FBXO46: variants seen among roughly 807,000 people sequenced by gnomAD.
The protein encoded by FBXO46 is F-box protein 46, also known as F-box only protein 46.
FBXO46 carries 13 observed loss-of-function variants against 30.7 expected under a neutral mutation model. The observed-to-expected ratio is 0.42, with a 90% CI of 0.28 to 0.67. The LOEUF is 0.67. Among genes scored for constraint, FBXO46 ranks in the 30% least tolerant of loss-of-function variants. FBXO46 has a pLI of 0.21. For missense variants in FBXO46, 754 were observed against 871.5 expected (o/e 0.87, Z 1.70); for synonymous variants, 467 against 385.8 (o/e 1.21, Z -2.47).
intron 1 of FBXO46, among the ~76,000 whole-genome samples, chr19:45,720,143 A>G (rs1439118126): frequency 3.3e-5 from 5 of 151,336 alleles, no homozygotes; most frequent in Non-Finnish European, 1.5e-5. Context: ...TTTTTTTTTA[A>G]GACGGAGTCT....
At position 45,712,561 on chromosome 19, in the gene FBXO46, A is replaced by G; in HGVS notation, c.935T>C (p.Ile312Thr). ...DKITCDLYQL[I>T]SPSRDALPSN... ...GGGGAGGGCATCCCGCGAGGGGCTG[A>G]TGAGCTGGTATAAGTCACATGTGAT... The change falls in exon 2 of 2, where the codon ATC becomes ACC. Residue 312 changes from isoleucine (I) to threonine (T), a missense_variant. Physicochemically the swap from Ile to Thr is moderately conservative, Grantham distance 89. Transcript: ENST00000317683. This position sits in a 1 kb window ranked among gnomAD's most constrained non-coding sequence, Gnocchi z 8.8. The G allele has an allele frequency of 1.9e-6, 3 of 1,594,678 alleles. No homozygotes were observed. The highest frequency in any genetic ancestry group is 2.6e-6 in the Non-Finnish European group (3 of 1,169,512).
In FBXO46 at chr19:45,712,575, G is replaced by A; in HGVS notation, c.921C>T (p.Asp307=). The change falls in exon 2 of 2, where the codon GAC becomes GAT. Residue 307 remains aspartate, a synonymous_variant. Transcript: ENST00000317683. The surrounding 1 kb of genome is among the most constrained non-coding windows in gnomAD (Gnocchi z 8.8). ...GARAKDKITC[D]LYQLISPSRD... ...GCGAGGGGCTGATGAGCTGGTATAA[G>A]TCACATGTGATCTTGTCCTTGGCTC... The A allele has an allele frequency of 6.3e-7, 1 of 1,593,982 alleles. No homozygotes were observed. Among genetic ancestry groups the A allele is most frequent in the South Asian group, 1.1e-5 (1 of 88,408 alleles).
At chr19:45,720,190 C>T (rs1968150595) in intron 1 of FBXO46, among the ~76,000 whole-genome samples, 1 of 151,910 alleles carries the variant, frequency 6.6e-6, no homozygotes, top group Non-Finnish European at 1.5e-5. Flanking sequence ...ACGGTGCGAT[C>T]TCGGCTCACT....
In FBXO46 at chr19:45,712,428, G is replaced by C; in HGVS notation, c.1068C>G (p.Ala356=). The stretch of plus-strand genomic sequence containing the variant: ...GGAAGCCTGACGCTCCGCAGTCCCG[G>C]GCAGGGGGCGGAGGGGGCGCCGGGG... The part of the protein sequence containing the change: ...DTPPAPPPPP[A]RDCGASGFHV... The change falls in exon 2 of 2, where the codon GCC becomes GCG. Residue 356 remains alanine, a synonymous_variant. Transcript: ENST00000317683. The surrounding 1 kb of genome is among the most constrained non-coding windows in gnomAD (Gnocchi z 8.8). The C allele has an allele frequency of 6.2e-7, 1 of 1,610,634 alleles. No individual in the cohort carries two copies. The highest frequency in any genetic ancestry group is 8.5e-7 in the Non-Finnish European group (1 of 1,179,662).
intron 1 of FBXO46, among the ~76,000 whole-genome samples, chr19:45,727,829 A>G (rs1968259271): frequency 1.3e-5 from 2 of 152,196 alleles, no homozygotes; most frequent in Admixed American, 1.3e-4. Context: ...AACAACAACA[A>G]CAACAAGAAA....
chr19:45,722,630 C>T (rs1458343363), intron 1 of FBXO46, among the ~76,000 whole-genome samples: 1 of 152,076 alleles, frequency 6.6e-6, no homozygotes, highest in Non-Finnish European at 1.5e-5. Flanking sequence ...GGTGTGGTGG[C>T]GGGCGCCTGT....
chr19:45,715,576 G>A, intron 1 of FBXO46: 1 of 152,270 alleles, frequency 6.6e-6, no homozygotes, highest in Non-Finnish European at 1.5e-5. Context: ...GGAGGCCGAG[G>A]CAGGCGGATC....
intron 1 of FBXO46, among the ~76,000 whole-genome samples, chr19:45,730,403 A>G (rs1417714103): frequency 1.3e-5 from 2 of 151,246 alleles, no homozygotes; most frequent in Non-Finnish European, 3.0e-5. Flanking sequence ...TACCTCCTCA[A>G]CTTGCCTTCC....
chr19:45,711,416 G>C lies in FBXO46; in HGVS notation c.*268C>G, dbSNP rs1162239490. On this transcript the variant is annotated 3_prime_UTR_variant, in exon 2 of 2. Coordinates refer to ENST00000317683, the MANE Select transcript of FBXO46 (RefSeq NM_001080469.2). ...GCATGGCAGGGAGGGGGTTGGGGCT[G>C]AATGGAGAAGAAAGTGAGATGCTGA... is the stretch of plus-strand genomic sequence containing the variant. The C allele has an allele frequency of 1.6e-6, 1 of 631,810 alleles. No individual in the cohort carries two copies. The highest frequency in any genetic ancestry group is 2.9e-6 in the Non-Finnish European group (1 of 341,896). The allele number at this position is 631,810 out of a possible 1,614,324, so 39.1% of individuals were successfully genotyped here. A position where few individuals can be genotyped will look rare whatever the true frequency, so the allele number is the denominator to read the frequency against.
In FBXO46 at chr19:45,713,127, G is replaced by C; in HGVS notation, c.369C>G (p.His123Gln). ...SRASSMKVKG[H>Q]WGSDSSKAKR... ...TGGCCTTGGAGCTATCGCTGCCCCA[G>C]TGCCCCTTGACCTTCATGGAGCTGG... Residue 123 changes from histidine (H) to glutamine (Q), a missense_variant, in exon 2 of 2, where the codon CAC becomes CAG. Coordinates refer to ENST00000317683, the MANE Select transcript of FBXO46 (RefSeq NM_001080469.2). This position sits in a 1 kb window ranked among gnomAD's most constrained non-coding sequence, Gnocchi z 4.7. The C allele has an allele frequency of 1.9e-6, 3 of 1,612,938 alleles. No individual in the cohort carries two copies. Among genetic ancestry groups the C allele is most frequent in the Non-Finnish European group, 2.5e-6 (3 of 1,179,526 alleles).
chr19:45,726,109 A>C (rs1968236394), intron 1 of FBXO46, among the ~76,000 whole-genome samples: 1 of 152,192 alleles, frequency 6.6e-6, no homozygotes, highest in African/African-American at 2.4e-5. Flanking sequence ...TGGAAGGCCA[A>C]GACGGGCGGA....
chr19:45,713,628 A>G lies in FBXO46; in HGVS notation c.-78-55T>C, dbSNP rs1426432886. 4 of 697,694 alleles carry G rather than the reference A, an allele frequency of 5.7e-6. No homozygotes were observed. Among genetic ancestry groups the G allele is most frequent in the South Asian group, 2.0e-5 (1 of 49,762 alleles). 43.2% of individuals were successfully genotyped at this position (697,694 alleles called of 1,614,324 possible). On this transcript the variant is annotated intron_variant, in intron 1 of 1. Coordinates refer to ENST00000317683, the MANE Select transcript of FBXO46 (RefSeq NM_001080469.2). The surrounding 1 kb of genome is among the most constrained non-coding windows in gnomAD (Gnocchi z 4.7). ...TAGGGGGACAGCCTTTCTTCCCAGGACCACCCCAACCTCCACCTCTCCTTA... is the reference window on the plus strand; with the variant it reads ...TAGGGGGACAGCCTTTCTTCCCAGGGCCACCCCAACCTCCACCTCTCCTTA...
Position 45,713,334 on chromosome 19 carries a change from C to A in FBXO46, c.162G>T (p.Glu54Asp). Residue 54 changes from glutamate (E) to aspartate (D), a missense_variant, in exon 2 of 2, where the codon GAG becomes GAT. This residue lies in a region of FBXO46 where 97 missense variants were observed against 113.0 expected (regional missense o/e 0.86). Coordinates refer to ENST00000317683, the MANE Select transcript of FBXO46 (RefSeq NM_001080469.2). The surrounding 1 kb of genome is among the most constrained non-coding windows in gnomAD (Gnocchi z 4.7). ...CAGTGGCCAAGGCGGGTGGTGTGTT[C>A]TCTGAGTGGGCAGGCCCATGGTCTG... ...AEPDHGPAHS[E>D]NTPPALATEV... The A allele has an allele frequency of 6.2e-7, 1 of 1,613,238 alleles. No homozygotes were observed. Among genetic ancestry groups the A allele is most frequent in the Non-Finnish European group, 8.5e-7 (1 of 1,179,600 alleles).
chr19:45,729,938 CCGG>C (rs1171011037), intron 1 of FBXO46, among the ~76,000 whole-genome samples: 5 of 152,170 alleles, frequency 3.3e-5, no homozygotes, highest in Non-Finnish European at 7.3e-5. Flanking sequence ...CAGTCACATT[CCGG>C]GGGCGGAGAA....
chr19:45,733,076 G>C (rs552514277), upstream of FBXO46, among the ~76,000 whole-genome samples: 1 of 152,196 alleles, frequency 6.6e-6, no homozygotes, highest in South Asian at 2.1e-4. This position sits in a 1 kb window ranked among gnomAD's most constrained non-coding sequence, Gnocchi z 5.7. Flanking sequence ...GGTGGAAATG[G>C]GACATCATAG....
chr19:45,731,302 C>G (rs1475085989), upstream of FBXO46, among the ~76,000 whole-genome samples: 1 of 148,828 alleles, frequency 6.7e-6, no homozygotes, highest in Non-Finnish European at 1.5e-5. Context: ...CAAACTCCTT[C>G]CCATCCATCC....
At chr19:45,717,983 CACTT>C (rs1280715179) in intron 1 of FBXO46, among the ~76,000 whole-genome samples, 1 of 152,190 alleles carries the variant, frequency 6.6e-6, no homozygotes, top group Admixed American at 6.5e-5. Context: ...AAACCTGCCT[CACTT>C]AGTACAAAAG....
At chr19:45,728,364 G>T (rs533403635) in intron 1 of FBXO46, among the ~76,000 whole-genome samples, 1 of 152,300 alleles carries the variant, frequency 6.6e-6, no homozygotes, top group Non-Finnish European at 1.5e-5. Context: ...CCTCTCTACT[G>T]CCTTCTCTTT....
At chr19:45,719,262 T>G (rs1405189648) in intron 1 of FBXO46, among the ~76,000 whole-genome samples, 1 of 151,870 alleles carries the variant, frequency 6.6e-6, no homozygotes, top group Non-Finnish European at 1.5e-5. Flanking sequence ...AAATTAAAAA[T>G]AAATTAAATA....
Sources: allele counts gnomAD v4.1 joint callset (sites outside exome capture counted in the v4.1 genomes callset), GRCh38; gene constraint gnomAD v4.1.1; regional missense constraint gnomAD v4.1.1; non-coding constraint Gnocchi (gnomAD v3.1); transcripts MANE v1.5; gene names NCBI Gene and HGNC (gene_info 2026-07-23, HGNC 2026-07-21).